The following RNF128 variants were observed in gnomAD, a reference collection of about 807,000 sequenced individuals.
RNF128 encodes the protein ring finger protein 128.
A neutral mutation model predicts 26.2 loss-of-function variants in RNF128; 13 were observed. That is an observed-to-expected ratio of 0.50 (90% confidence interval 0.32 to 0.79). RNF128 has a LOEUF of 0.79. Ranked by LOEUF, RNF128 falls within the 30% of genes least tolerant of loss-of-function variation. RNF128 has a pLI of 0.03. For synonymous variants in RNF128, 149 were observed against 142.5 expected (o/e 1.05, Z -0.32); for missense variants, 315 against 349.7 (o/e 0.90, Z 0.79).
At chrX:106,702,013 C>G (rs917248557) in intron 1 of RNF128, among the ~76,000 whole-genome samples, 2 of 110,155 alleles carry the variant, frequency 1.8e-5, no homozygotes, top group Non-Finnish European at 3.8e-5. Context: ...ATCTCTGAAA[C>G]ATCATAAGCT....
chrX:106,788,952 GTATATGTACATGTACATATATATAC>G lies in RNF128; in HGVS notation c.887+963_887+987del, dbSNP rs1231401504. On this transcript the variant is annotated intron_variant, in intron 4 of 6. Transcript: ENST00000255499. ...ATATAGTGTATAGTATATAATATAT[GTATATGTACATGTACATATATATAC>G]TATATGTACAGTATATATACTATAT... 2.8e-3 allele frequency among the ~76,000 whole-genome samples: 199 copies of G among 71,299 alleles called. 2 individuals carry two copies. The highest frequency in any genetic ancestry group is 0.011 in the African/African-American group (196 of 18,045). 61.9% of individuals were successfully genotyped at this position (71,299 alleles called of 115,157 possible).
At chrX:106,754,443 T>G (rs1193003677) in intron 1 of RNF128, among the ~76,000 whole-genome samples, 1 of 79,564 alleles carries the variant, frequency 1.3e-5, no homozygotes. Flanking sequence ...TTTTTTTTTG[T>G]AGCGACAGGG....
chrX:106,751,641 G>A (rs1331970343), intron 1 of RNF128, among the ~76,000 whole-genome samples: 1 of 110,379 alleles, frequency 9.1e-6, no homozygotes, highest in African/African-American at 3.3e-5. Context: ...GGAGAGGAAA[G>A]ATTAAAGTGG....
Position 106,785,056 on chromosome X carries a change from T to A in RNF128, c.733-9T>A. The A allele has an allele frequency of 8.6e-7, 1 of 1,168,116 alleles. No homozygotes were observed. Among genetic ancestry groups the A allele is most frequent in the Non-Finnish European group, 1.1e-6 (1 of 876,721 alleles). On this transcript the variant is annotated splice_polypyrimidine_tract_variant and intron_variant, in intron 2 of 6. Coordinates refer to ENST00000255499, the MANE Select transcript of RNF128 (RefSeq NM_194463.2). Reference sequence around the variant, plus strand: ...GTTTTTCTAATACCTGCTGTTTTTTTTTTTACAGAGGCAATTAAAGGCAGA... The same window carrying A: ...GTTTTTCTAATACCTGCTGTTTTTTATTTTACAGAGGCAATTAAAGGCAGA...
At chrX:106,763,502 A>G (rs1441844230) in intron 1 of RNF128, among the ~76,000 whole-genome samples, 3 of 112,428 alleles carry the variant, frequency 2.7e-5, no homozygotes, top group East Asian at 2.8e-4. Flanking sequence ...TAGGAAGCCA[A>G]TTCAGGGTTT....
chrX:106,716,959 T>A (rs1366092754), intron 1 of RNF128, among the ~76,000 whole-genome samples: 1 of 110,788 alleles, frequency 9.0e-6, no homozygotes, highest in East Asian at 2.8e-4. Context: ...TCCCAGCACT[T>A]TGGGAGGCCG....
upstream of RNF128, among the ~76,000 whole-genome samples, chrX:106,725,504 A>G (rs1366775128): frequency 1.8e-5 from 2 of 112,161 alleles, no homozygotes; most frequent in East Asian, 5.5e-4. Context: ...AGTAGACTGT[A>G]TTTATTTGAA....
intron 3 of RNF128, among the ~76,000 whole-genome samples, chrX:106,787,311 C>A (rs2147701695): frequency 9.0e-6 from 1 of 111,331 alleles, no homozygotes; most frequent in East Asian, 2.8e-4. Context: ...GGATGAATCT[C>A]AAATGCATTA....
intron 1 of RNF128, among the ~76,000 whole-genome samples, chrX:106,751,931 C>T (rs750065527): frequency 9.1e-6 from 1 of 109,631 alleles, no homozygotes; most frequent in Non-Finnish European, 1.9e-5. Flanking sequence ...AGCACATTCC[C>T]AGCTGTAGTG....
At chrX:106,716,336 A>G (rs1929215964) in intron 1 of RNF128, among the ~76,000 whole-genome samples, 1 of 111,981 alleles carries the variant, frequency 8.9e-6, no homozygotes, top group African/African-American at 3.2e-5. Context: ...GCTAAGTGAA[A>G]GAAGTCAGAC....
At chrX:106,725,826 T>C (rs1293207413), upstream of RNF128, among the ~76,000 whole-genome samples, 1 of 112,953 alleles carries the variant, frequency 8.9e-6, no homozygotes, top group Non-Finnish European at 1.9e-5. Flanking sequence ...TTAATTCAGC[T>C]TAATTCAAGG....
intron 1 of RNF128, among the ~76,000 whole-genome samples, chrX:106,698,364 G>A (rs939801493): frequency 2.7e-5 from 3 of 110,491 alleles, no homozygotes; most frequent in African/African-American, 9.9e-5. Context: ...GCGGCATTCA[G>A]AATCTCCAAA....
intron 1 of RNF128, among the ~76,000 whole-genome samples, chrX:106,754,244 A>C (rs1407327147): frequency 9.2e-6 from 1 of 108,601 alleles, no homozygotes; most frequent in Non-Finnish European, 1.9e-5. Flanking sequence ...TTTTCAGACA[A>C]GTTCTCACTC....
chrX:106,773,907 A>T (rs1048131345), intron 2 of RNF128, among the ~76,000 whole-genome samples: 4 of 111,239 alleles, frequency 3.6e-5, no homozygotes, highest in Non-Finnish European at 7.5e-5. Context: ...GGTTACTCCC[A>T]TGCATACATC....
At chrX:106,793,340 A>G (rs1383928527) in intron 6 of RNF128, among the ~76,000 whole-genome samples, 1 of 111,431 alleles carries the variant, frequency 9.0e-6, no homozygotes, top group Non-Finnish European at 1.9e-5. Flanking sequence ...ATTTAACATG[A>G]GGTGCAGGGC....
chrX:106,770,900 G>A (rs932184272), intron 1 of RNF128, among the ~76,000 whole-genome samples: 1 of 111,749 alleles, frequency 8.9e-6, no homozygotes, highest in African/African-American at 3.3e-5. Flanking sequence ...TCTACCTCTG[G>A]TCTTTGATGA....
intron 1 of RNF128, among the ~76,000 whole-genome samples, chrX:106,697,450 G>A (rs1334264820): frequency 9.0e-6 from 1 of 111,664 alleles, no homozygotes; most frequent in Admixed American, 9.5e-5. Flanking sequence ...GCTTAATTGA[G>A]AGTGCCAGGC....
chrX:106,761,581 T>C lies in RNF128; in HGVS notation c.485-11332T>C, dbSNP rs1930121347. Among the ~76,000 whole-genome samples, 3 of 104,848 alleles carry C rather than the reference T, an allele frequency of 2.9e-5. No homozygotes were observed. In the South Asian group the frequency reaches 1.2e-3, roughly 40 times the overall value. 91.0% of individuals were successfully genotyped at this position (104,848 alleles called of 115,157 possible). ...AAGAAAATGTGGTGCAAATACACCA[T>C]GGAATATTATACAGCCATAAAAAAA... is the stretch of plus-strand genomic sequence containing the variant. On this transcript the variant is annotated intron_variant, in intron 1 of 6. Coordinates refer to ENST00000255499, the MANE Select transcript of RNF128 (RefSeq NM_194463.2).
intron 1 of RNF128, among the ~76,000 whole-genome samples, chrX:106,711,696 T>C (rs1929130118): frequency 9.0e-6 from 1 of 111,456 alleles, no homozygotes; most frequent in Non-Finnish European, 1.9e-5. Context: ...TATTTTTCCA[T>C]ATTTTTTAAA....
Sources: allele counts gnomAD v4.1 joint callset (sites outside exome capture counted in the v4.1 genomes callset), GRCh38; gene constraint gnomAD v4.1.1; transcripts MANE v1.5; gene names NCBI Gene and HGNC (gene_info 2026-07-23, HGNC 2026-07-21).